The following KLHL1 variants were observed in gnomAD, a reference collection of about 807,000 sequenced individuals.
KLHL1 encodes kelch like family member 1, also known as kelch-like protein 1.
Under a neutral mutation model 77.7 loss-of-function variants are expected in KLHL1, and 47 were observed. The observed-to-expected ratio is 0.60, with a 90% confidence interval of 0.48 to 0.77. KLHL1 has a LOEUF of 0.77. Ranked by LOEUF, KLHL1 falls within the 30% of genes least tolerant of loss-of-function variation. KLHL1 has a pLI of 0.00. For missense variants in KLHL1, 925 were observed against 910.8 expected, an observed-to-expected ratio of 1.02 and a Z score of -0.20; for synonymous variants, 360 against 325.2, an observed-to-expected ratio of 1.11 and a Z score of -1.15.
intron 1 of KLHL1, among the ~76,000 whole-genome samples, chr13:70,029,225 A>G (rs1886030646): frequency 6.6e-6 from 1 of 152,094 alleles, no homozygotes; most frequent in Non-Finnish European, 1.5e-5. Context: ...AGGTTTGGAT[A>G]AGAATGTTAG....
At chr13:70,018,426 C>A (rs1885712421) in intron 1 of KLHL1, among the ~76,000 whole-genome samples, 2 of 152,164 alleles carry the variant, frequency 1.3e-5, no homozygotes. Flanking sequence ...GCTGTTCTAG[C>A]AGTACACACC....
rs187142610 is a variant in KLHL1, at chr13:70,017,970, G to A, written c.498-42168C>T. Reference sequence around the variant, plus strand: ...AGGTTAAAGAAACGTGAAAATAAGCGCTAATCTCCAATTAAAGTTCTTAAT... The same window carrying A: ...AGGTTAAAGAAACGTGAAAATAAGCACTAATCTCCAATTAAAGTTCTTAAT... On this transcript the variant is annotated intron_variant, in intron 1 of 10. Coordinates refer to ENST00000377844, the MANE Select transcript of KLHL1 (RefSeq NM_020866.3). Among the ~76,000 whole-genome samples the A allele has an allele frequency of 2.0e-4, 31 of 152,058 alleles. No individual in the cohort carries two copies. In the East Asian group the frequency reaches 4.1e-3, roughly 20 times the overall value.
At chr13:70,035,008 G>T (rs74725148) in intron 1 of KLHL1, among the ~76,000 whole-genome samples, 2,779 of 152,070 alleles carry the variant, frequency 0.018, 83 homozygotes, top group African/African-American at 0.063. Context: ...ATTAATATTT[G>T]TGGTACTTAT....
At chr13:69,808,132 T>TC (rs911412337) in intron 6 of KLHL1, among the ~76,000 whole-genome samples, 3 of 151,950 alleles carry the variant, frequency 2.0e-5, no homozygotes, top group Non-Finnish European at 2.9e-5. Context: ...GTCACCTCTT[T>TC]CCCCCCACAC....
At chr13:69,718,686 G>A (rs9542042) in intron 9 of KLHL1, among the ~76,000 whole-genome samples, 2,766 of 152,008 alleles carry the variant, frequency 0.018, 42 homozygotes, top group Middle Eastern at 0.044. Flanking sequence ...TCTAAGTAAC[G>A]CACAGCCCAA....
intron 4 of KLHL1, chr13:69,894,455 C>G (rs1402948341): frequency 6.0e-6 from 1 of 167,344 alleles, no homozygotes; most frequent in African/African-American, 2.4e-5. Context: ...ACTGGTTCAA[C>G]AGTTCCAACA....
At chr13:69,938,943 T>A (rs758224545) in intron 4 of KLHL1, among the ~76,000 whole-genome samples, 13 of 152,034 alleles carry the variant, frequency 8.6e-5, no homozygotes, top group Non-Finnish European at 1.9e-4. Flanking sequence ...CAATTTGAAA[T>A]AAATAGCAAC....
chr13:69,828,377 C>T (rs1185741012), intron 6 of KLHL1, among the ~76,000 whole-genome samples: 1 of 150,188 alleles, frequency 6.7e-6, no homozygotes, highest in Non-Finnish European at 1.5e-5. Context: ...AGGATGAGCC[C>T]TGTAGGCACT....
rs558325418 is a variant in KLHL1, at chr13:70,094,363, T to C, written c.497+12840A>G. 3.6e-5 allele frequency among the ~76,000 whole-genome samples: 5 copies of C among 139,318 alleles called. No individual in the cohort carries two copies. The South Asian group carries it at 1.1e-3, about 30-fold the overall frequency. 91.4% of individuals were successfully genotyped at this position (139,318 alleles called of 152,430 possible). ...AAAAATTAAAATTAAAAAATAAAATTCACATGAAACAAATACAATGCAATC... is the reference window on the plus strand; with the variant it reads ...AAAAATTAAAATTAAAAAATAAAATCCACATGAAACAAATACAATGCAATC... On this transcript the variant is annotated intron_variant, in intron 1 of 10. Transcript: ENST00000377844.
At chr13:69,855,438 A>G (rs956715291) in intron 5 of KLHL1, among the ~76,000 whole-genome samples, 2 of 151,956 alleles carry the variant, frequency 1.3e-5, no homozygotes, top group African/African-American at 2.4e-5. Flanking sequence ...AGATAGAGAT[A>G]TGATATGATA....
At chr13:69,952,285 A>C (rs1040496180) in intron 3 of KLHL1, among the ~76,000 whole-genome samples, 13 of 151,482 alleles carry the variant, frequency 8.6e-5, no homozygotes, top group Admixed American at 2.6e-4. Flanking sequence ...GTTTCCAAGT[A>C]GTATTTACGT....
At chr13:69,945,298 T>C (rs1311888489) in intron 3 of KLHL1, among the ~76,000 whole-genome samples, 1 of 151,978 alleles carries the variant, frequency 6.6e-6, no homozygotes, top group Admixed American at 6.6e-5. Flanking sequence ...TAACCAAACT[T>C]TGTTAATTAA....
intron 1 of KLHL1, among the ~76,000 whole-genome samples, chr13:69,997,769 GTATAA>G (rs1352183840): frequency 2.4e-4 from 35 of 147,014 alleles, no homozygotes; most frequent in Middle Eastern, 3.7e-3. Context: ...ATATATAAAT[GTATAA>G]TATAATATAT....
chr13:70,026,216 C>A (rs1450248932), intron 1 of KLHL1, among the ~76,000 whole-genome samples: 1 of 152,044 alleles, frequency 6.6e-6, no homozygotes, highest in Admixed American at 6.6e-5. Flanking sequence ...AAAACAATCA[C>A]AAATCACTAT....
At chr13:69,779,766 T>C (rs1198366978) in intron 7 of KLHL1, among the ~76,000 whole-genome samples, 1 of 151,940 alleles carries the variant, frequency 6.6e-6, no homozygotes, top group African/African-American at 2.4e-5. Context: ...CTCCAAAAAC[T>C]TGTTTTATTT....
rs991771141 is a variant in KLHL1, at chr13:69,933,094, C to A, written c.1014+6946G>T. Among the ~76,000 whole-genome samples, 6 of 152,086 alleles carry A rather than the reference C, an allele frequency of 3.9e-5. No individual in the cohort carries two copies. The East Asian group carries it at 9.7e-4, about 25-fold the overall frequency. ...ACATCACTAGTCATTGTCCCTTAAACGTTCATTATACTCACCCTGACCTTT... is the reference window on the plus strand; with the variant it reads ...ACATCACTAGTCATTGTCCCTTAAAAGTTCATTATACTCACCCTGACCTTT... On this transcript the variant is annotated intron_variant, in intron 4 of 10. Transcript: ENST00000377844.
chr13:69,745,268 C>T (rs911814062), intron 7 of KLHL1, among the ~76,000 whole-genome samples: 6 of 151,180 alleles, frequency 4.0e-5, no homozygotes, highest in African/African-American at 1.5e-4. Context: ...TTGTGAAGGC[C>T]TGTTAAAAAC....
chr13:69,775,719 C>T lies in KLHL1; in HGVS notation c.1639+21019G>A, dbSNP rs151280182. On this transcript the variant is annotated intron_variant, in intron 7 of 10. Coordinates refer to ENST00000377844, the MANE Select transcript of KLHL1 (RefSeq NM_020866.3). ...TTTTTTTTTGTTTTTGATACAGTGT[C>T]GTGCTCTGTCACTAGGACTGGAGTG... is the stretch of plus-strand genomic sequence containing the variant. Among the ~76,000 whole-genome samples the T allele has an allele frequency of 9.5e-3, 1,446 of 151,584 alleles. 27 individuals are homozygous for T. The highest frequency in any genetic ancestry group is 0.033 in the African/African-American group (1,359 of 41,292).
intron 1 of KLHL1, among the ~76,000 whole-genome samples, chr13:70,032,858 G>T (rs936152538): frequency 2.6e-5 from 4 of 152,008 alleles, no homozygotes; most frequent in Admixed American, 2.0e-4. Flanking sequence ...CTATGTGGTT[G>T]GTGCAAACGT....
Sources: gnomAD v4.1 joint callset for allele counts (sites outside exome capture counted in the v4.1 genomes callset) on GRCh38, gnomAD v4.1.1 for gene constraint, MANE v1.5 for transcripts, NCBI Gene and HGNC (gene_info 2026-07-23, HGNC 2026-07-21) for gene names.